Variants in U2SURP observed in about 807,000 individuals in gnomAD.
The protein encoded by U2SURP is U2 snRNP associated SURP domain containing.
In U2SURP, 9 loss-of-function variants were observed where a neutral mutation model predicts 144.9. The observed-to-expected ratio is 0.06, with a 90% CI of 0.04 to 0.11. U2SURP has a LOEUF of 0.11. U2SURP is among the 10% of genes least tolerant of loss of function. The pLI is 1.00. For missense variants in U2SURP, 724 were observed against 1,226.7 expected (o/e 0.59, Z 6.12); for synonymous variants, 408 against 396.8 (o/e 1.03, Z -0.33).
chr3:143,019,892 T>TAAA, intron 6 of U2SURP, 77 bp from the exon 7 acceptor site: 1 of 726,144 alleles, frequency 1.4e-6, no homozygotes, highest in East Asian at 3.2e-5. Context: ...TGAAATGATG[T>TAAA]AAAAAGGCTC....
intron 25 of U2SURP, among the ~76,000 whole-genome samples, chr3:143,051,550 G>T (rs1006115226): frequency 1.5e-5 from 2 of 134,610 alleles, no homozygotes; most frequent in Non-Finnish European, 3.1e-5. Context: ...ATAGGCATGT[G>T]CAGAGAATTT....
rs751446385 is a variant in U2SURP, at chr3:143,021,404, C to CT, written c.769+23dup. On this transcript the variant is annotated intron_variant, in intron 9 of 27. Transcript: ENST00000473835. The stretch of plus-strand genomic sequence containing the variant: ...TCTGGTGGTAATACAGTTTTTTGCT[C>CT]TTTTAATCGATAAATTTTCCAAACT... The CT allele has an allele frequency of 6.2e-7, 1 of 1,605,426 alleles. No homozygotes were observed. Among genetic ancestry groups the CT allele is most frequent in the Non-Finnish European group, 8.5e-7 (1 of 1,175,136 alleles).
intron 19 of U2SURP, among the ~76,000 whole-genome samples, 166 bp from the exon 20 acceptor site, chr3:143,035,816 A>AT (rs1023517817): frequency 8.5e-4 from 130 of 152,144 alleles, no homozygotes; most frequent in Non-Finnish European, 1.6e-3. Flanking sequence ...GGTGACATTG[A>AT]TTTTTTTAAA....
chr3:143,031,405 C>T (rs79557432), intron 16 of U2SURP, among the ~76,000 whole-genome samples: 33 of 48,810 alleles, frequency 6.8e-4, no homozygotes, highest in African/African-American at 2.2e-3. Context: ...GCAGCCACCC[C>T]AACCTTCAGC....
intron 23 of U2SURP, among the ~76,000 whole-genome samples, chr3:143,039,805 A>G (rs532967722): frequency 2.0e-5 from 3 of 151,914 alleles, no homozygotes; most frequent in South Asian, 2.1e-4. Flanking sequence ...AATGTGATCA[A>G]TCAGCAGGCT....
At chr3:143,035,072 A>G (rs1425531086) in intron 19 of U2SURP, 97 bp downstream of exon 19, 3 of 588,850 alleles carry the variant, frequency 5.1e-6, no homozygotes, top group South Asian at 4.0e-5. Flanking sequence ...AGTATGAGAC[A>G]TAAATTTAAA....
chr3:143,023,429 T>G (rs1272251995), intron 12 of U2SURP: 1 of 181,208 alleles, frequency 5.5e-6, no homozygotes, highest in African/African-American at 2.4e-5. Context: ...AGTTATTGTT[T>G]GGATGGCAGC....
chr3:143,022,580 A>T lies in U2SURP; in HGVS notation c.936A>T (p.Glu312Asp). 1 of 1,613,896 alleles carries T rather than the reference A, an allele frequency of 6.2e-7. No individual in the cohort carries two copies. Among genetic ancestry groups the T allele is most frequent in the Non-Finnish European group, 8.5e-7 (1 of 1,179,816 alleles). ...AAATCATGTGGCCTAGAACTGATGA[A>T]GAAAGAGCCAGAGAGAGAAATTGCG... ...SVKIMWPRTDEERARERNCGF... is the reference protein window; with the variant it reads ...SVKIMWPRTDDERARERNCGF... The change falls in exon 11 of 28, where the codon GAA becomes GAT. Residue 312 changes from glutamate to aspartate, a missense_variant. Transcript: ENST00000473835.
chr3:143,017,128 T>TTAGATGAGAGTTAATGAA, intron 6 of U2SURP, 153 bp downstream of exon 6: 1 of 587,070 alleles, frequency 1.7e-6, no homozygotes, highest in Admixed American at 4.2e-5. Flanking sequence ...AGTAATTTAC[T>TTAGATGAGAGTTAATGAA]TAGATGAGAG....
intron 13 of U2SURP, chr3:143,025,820 G>T (rs941002875): frequency 2.6e-5 from 4 of 151,998 alleles, no homozygotes; most frequent in African/African-American, 9.7e-5. Context: ...ACTATGGAGA[G>T]ATTTCATTTT....
chr3:143,024,608 A>T, intron 13 of U2SURP: 1 of 367,586 alleles, frequency 2.7e-6, no homozygotes, highest in Non-Finnish European at 5.3e-6. Flanking sequence ...ACACTATTAA[A>T]GCAGAAGAAT....
rs1935311463 is a variant in U2SURP, at chr3:143,060,055, T to C, written c.*3605T>C. ...CTGCTGTTCCGTGAGCCTTGTTCCATTGTTGAAAATTTGATGCCTCAGTGT... is the reference window on the plus strand; with the variant it reads ...CTGCTGTTCCGTGAGCCTTGTTCCACTGTTGAAAATTTGATGCCTCAGTGT... On this transcript the variant is annotated 3_prime_UTR_variant, in exon 28 of 28. Transcript: ENST00000473835. 1 of 152,458 alleles carries C rather than the reference T, an allele frequency of 6.6e-6. No individual in the cohort carries two copies. Among genetic ancestry groups the C allele is most frequent in the African/African-American group, 2.4e-5 (1 of 41,432 alleles). 9.4% of individuals were successfully genotyped at this position (152,458 alleles called of 1,614,324 possible).
At chr3:143,043,986 C>A (rs1460350572) in intron 24 of U2SURP, among the ~76,000 whole-genome samples, 2 of 151,972 alleles carry the variant, frequency 1.3e-5, no homozygotes, top group African/African-American at 2.4e-5. Flanking sequence ...ATCTCCTGAC[C>A]TCGTGATCCG....
At chr3:143,037,471 A>AT (rs911936261) in intron 21 of U2SURP, 136 bp downstream of exon 21, 7 of 870,070 alleles carry the variant, frequency 8.0e-6, no homozygotes, top group African/African-American at 5.1e-5. Context: ...TCTATTTCTG[A>AT]TTTTTTTCAA....
intron 1 of U2SURP, among the ~76,000 whole-genome samples, chr3:143,003,571 C>G (rs907953895): frequency 2.0e-5 from 3 of 150,460 alleles, no homozygotes; most frequent in African/African-American, 7.3e-5. Context: ...ATCAAAAGTT[C>G]TTAGCTTTCA....
chr3:143,033,487 C>A, intron 18 of U2SURP, 137 bp downstream of exon 18: 1 of 559,066 alleles, frequency 1.8e-6, no homozygotes, highest in East Asian at 3.0e-5. Context: ...GTTCCTTATC[C>A]ATGAATTCAA....
chr3:143,027,121 ATTTTCTTTAAC>A lies in U2SURP; in HGVS notation c.1275-26_1275-16del, dbSNP rs769028667. Reference sequence around the variant, plus strand: ...TTTATATAGTGGTAGGTCTGAATCCATTTTCTTTAACTGTGTTGTTGTTGTAGGAATTTGCT... The same window carrying A: ...TTTATATAGTGGTAGGTCTGAATCCATGTGTTGTTGTTGTAGGAATTTGCT... On this transcript the variant is annotated splice_polypyrimidine_tract_variant and intron_variant, in intron 13 of 27. Transcript: ENST00000473835. 2 of 1,562,154 alleles carry A rather than the reference ATTTTCTTTAAC, an allele frequency of 1.3e-6. No individual in the cohort carries two copies. Among genetic ancestry groups the A allele is most frequent in the Non-Finnish European group, 1.8e-6 (2 of 1,133,844 alleles).
chr3:143,033,084 G>T, intron 17 of U2SURP, 138 bp downstream of exon 17: 1 of 1,053,528 alleles, frequency 9.5e-7, no homozygotes, highest in South Asian at 1.7e-5. Flanking sequence ...GGAAATTTAG[G>T]TTCATTAACA....
intron 6 of U2SURP, among the ~76,000 whole-genome samples, chr3:143,017,682 G>A (rs1321088277): frequency 6.6e-6 from 1 of 151,774 alleles, no homozygotes; most frequent in African/African-American, 2.4e-5. Context: ...GTGTAGTAGT[G>A]TGATTACGGC....
Sources: allele counts gnomAD v4.1 joint callset (sites outside exome capture counted in the v4.1 genomes callset), GRCh38; gene constraint gnomAD v4.1.1; transcripts MANE v1.5; gene names NCBI Gene and HGNC (gene_info 2026-07-23, HGNC 2026-07-21).